Variants in DOCK4 observed in about 807,000 individuals in gnomAD.
DOCK4 encodes the protein dedicator of cytokinesis protein 4.
Under a neutral mutation model 268.1 loss-of-function variants are expected in DOCK4, and 97 were observed. The ratio of observed to expected loss-of-function variants is 0.36; its 90% confidence interval spans 0.31 to 0.43. DOCK4 has a LOEUF of 0.43. Ranked by LOEUF, DOCK4 falls within the 20% of genes least tolerant of loss-of-function variation. The pLI, the probability that DOCK4 is intolerant of heterozygous loss-of-function variation, is 1.00. For synonymous variants in DOCK4, 954 were observed against 887.2 expected (o/e 1.08, Z -1.34); for missense variants, 2,145 against 2,455.7 (o/e 0.87, Z 2.67).
At chr7:112,056,995 A>G (rs1805873023) in intron 1 of DOCK4, among the ~76,000 whole-genome samples, 1 of 152,178 alleles carries the variant, frequency 6.6e-6, no homozygotes, top group African/African-American at 2.4e-5. Context: ...AAATTCTTCA[A>G]ACTGTATACT....
chr7:111,767,067 T>G lies in DOCK4; in HGVS notation c.3880A>C (p.Ser1294Arg). 6.2e-7 allele frequency: 1 copy of G among 1,613,712 alleles called. No homozygotes were observed. Among genetic ancestry groups the G allele is most frequent in the East Asian group, 2.2e-5 (1 of 44,870 alleles). The change falls in exon 38 of 53, where the codon AGT (serine) becomes CGT (arginine). Residue 1294 changes from serine (S) to arginine (R), a missense_variant. Ser to Arg is a moderately radical substitution (Grantham distance 110, BLOSUM62 -1). Coordinates refer to ENST00000428084, the MANE Select transcript of DOCK4 (RefSeq NM_001363540.2). ...LCRKIAEQYE[S>R]YYDYRNLSKM... is the part of the protein sequence containing the mutation. ...CTCAGGTTTCTGTAGTCATAATAAC[T>G]CTCATACTGCTCTGCAATCTTCCGG...
intron 1 of DOCK4, among the ~76,000 whole-genome samples, chr7:112,078,022 T>C (rs1440885689): frequency 1.3e-5 from 2 of 152,252 alleles, no homozygotes; most frequent in African/African-American, 4.8e-5. Flanking sequence ...TGTATTGGCA[T>C]AGATATTAAT....
rs961457757 is a variant in DOCK4 at position 111,926,215 on chromosome 7, C to T, written c.1066+9325G>A. Among the ~76,000 whole-genome samples, 7 of 143,912 alleles carry T rather than the reference C, an allele frequency of 4.9e-5. No individual in the cohort carries two copies. The South Asian group carries it at 1.3e-3, about 27-fold the overall frequency. The allele number at this position is 143,912 out of a possible 152,430, so 94.4% of individuals were successfully genotyped here. ...TGGGCAGATCACGAGGTCAGGAGAT[C>T]GAGACTATCCTGGCCAACATGGTAA... is the stretch of plus-strand genomic sequence containing the variant. On this transcript the variant is annotated intron_variant, in intron 12 of 52. Coordinates refer to ENST00000428084, the MANE Select transcript of DOCK4 (RefSeq NM_001363540.2).
chr7:112,037,287 A>G (rs1803891228), intron 1 of DOCK4, among the ~76,000 whole-genome samples: 1 of 152,156 alleles, frequency 6.6e-6, no homozygotes, highest in Admixed American at 6.5e-5. Flanking sequence ...TATTAAATAC[A>G]TTTTCAACTT....
intron 30 of DOCK4, among the ~76,000 whole-genome samples, chr7:111,801,311 C>T (rs1045808427): frequency 2.6e-5 from 4 of 152,174 alleles, no homozygotes; most frequent in Admixed American, 6.5e-5. Flanking sequence ...ATCATTTTTC[C>T]GCTGCTCATG....
chr7:111,802,359 G>A (rs1171495725), intron 30 of DOCK4, among the ~76,000 whole-genome samples: 1 of 152,192 alleles, frequency 6.6e-6, no homozygotes, highest in Non-Finnish European at 1.5e-5. Context: ...GATGGCTGCA[G>A]GGGCTCAAAG....
At chr7:111,854,214 C>T (rs1222200557) in intron 23 of DOCK4, among the ~76,000 whole-genome samples, 1 of 152,208 alleles carries the variant, frequency 6.6e-6, no homozygotes, top group Non-Finnish European at 1.5e-5. Context: ...CACAGGCAGA[C>T]AGCCTGGTGC....
intron 1 of DOCK4, among the ~76,000 whole-genome samples, chr7:112,007,885 A>G (rs180719948): frequency 2.6e-4 from 40 of 152,346 alleles, no homozygotes; most frequent in Admixed American, 2.3e-3. Context: ...GTGTTTCTGC[A>G]TGAAATACAT....
chr7:112,034,649 C>G (rs1803581320), intron 1 of DOCK4, among the ~76,000 whole-genome samples: 1 of 152,102 alleles, frequency 6.6e-6, no homozygotes, highest in Non-Finnish European at 1.5e-5. Flanking sequence ...GCCTGTAATC[C>G]CACACTTTGG....
intron 1 of DOCK4, among the ~76,000 whole-genome samples, chr7:112,099,069 G>A (rs1284477139): frequency 1.3e-5 from 2 of 151,960 alleles, no homozygotes; most frequent in Non-Finnish European, 2.9e-5. Flanking sequence ...GTGGGCGGAT[G>A]GCTTGAGCCC....
At chr7:112,129,275 G>GTT (rs1259802114) in intron 1 of DOCK4, among the ~76,000 whole-genome samples, 2 of 152,122 alleles carry the variant, frequency 1.3e-5, no homozygotes, top group East Asian at 1.9e-4. Context: ...ATCTCAAAAG[G>GTT]TTATATATAG....
chr7:112,190,377 T>C (rs911551289), intron 1 of DOCK4, among the ~76,000 whole-genome samples: 20 of 152,116 alleles, frequency 1.3e-4, no homozygotes, highest in Admixed American at 1.1e-3. Flanking sequence ...GGTAGAGCAG[T>C]ACTCTACCAG....
At chr7:111,777,289 A>T (rs1356144802) in intron 36 of DOCK4, among the ~76,000 whole-genome samples, 1 of 152,242 alleles carries the variant, frequency 6.6e-6, no homozygotes, top group African/African-American at 2.4e-5. Flanking sequence ...ACATTCTTAG[A>T]TGAAGGAAAA....
chr7:112,076,092 A>C (rs1808043672), intron 1 of DOCK4, among the ~76,000 whole-genome samples: 1 of 152,204 alleles, frequency 6.6e-6, no homozygotes, highest in Admixed American at 6.5e-5. Flanking sequence ...TTAATGCTAA[A>C]AATATTTTCA....
At chr7:111,994,556 A>G (rs757513852) in intron 4 of DOCK4, among the ~76,000 whole-genome samples, 11 of 152,210 alleles carry the variant, frequency 7.2e-5, no homozygotes, top group Admixed American at 1.3e-4. Context: ...CATCTGTAAC[A>G]TGAGGTCACT....
chr7:111,847,841 T>A (rs1804237791), intron 23 of DOCK4, among the ~76,000 whole-genome samples: 1 of 152,142 alleles, frequency 6.6e-6, no homozygotes, highest in Non-Finnish European at 1.5e-5. Flanking sequence ...AGCACGAAAA[T>A]GGACTAATAC....
At chr7:111,881,932 A>G (rs1210719907) in intron 16 of DOCK4, among the ~76,000 whole-genome samples, 5 of 152,174 alleles carry the variant, frequency 3.3e-5, no homozygotes, top group Admixed American at 3.3e-4. Flanking sequence ...GTGGCTGGGA[A>G]GGGTAGTGGG....
chr7:112,014,551 C>A (rs1241107557), intron 1 of DOCK4, among the ~76,000 whole-genome samples: 2 of 152,136 alleles, frequency 1.3e-5, no homozygotes, highest in Admixed American at 6.5e-5. Context: ...GTGCTGAGGT[C>A]TGCTTTCAGG....
chr7:111,914,555 C>T (rs533309778), intron 13 of DOCK4, among the ~76,000 whole-genome samples: 2 of 152,156 alleles, frequency 1.3e-5, no homozygotes, highest in South Asian at 2.1e-4. Context: ...AAACAAGCCA[C>T]GATTCTATGG....
Sources: allele counts gnomAD v4.1 joint callset (sites outside exome capture counted in the v4.1 genomes callset), GRCh38; gene constraint gnomAD v4.1.1; transcripts MANE v1.5; gene names NCBI Gene and HGNC (gene_info 2026-07-23, HGNC 2026-07-21).